Variants in SUSD4 observed in about 807,000 individuals in gnomAD.
The protein encoded by SUSD4 is sushi domain containing 4.
Under a neutral mutation model 50.5 loss-of-function variants are expected in SUSD4, and 41 were observed. The observed-to-expected ratio is 0.81, with a 90% CI of 0.63 to 1.05. SUSD4 has a LOEUF of 1.05. Ranked by LOEUF, SUSD4 falls within the 50% of genes least tolerant of loss-of-function variation. SUSD4 has a pLI of 0.00. For missense variants in SUSD4, 580 were observed against 634.7 expected, an observed-to-expected ratio of 0.91 and a Z score of 0.93; for synonymous variants, 257 against 257.3, an observed-to-expected ratio of 1.00 and a Z score of 0.01.
intron 4 of SUSD4, among the ~76,000 whole-genome samples, chr1:223,266,865 A>T (rs1662525293): frequency 6.6e-6 from 1 of 152,230 alleles, no homozygotes; most frequent in Non-Finnish European, 1.5e-5. Context: ...GTGCCAGGCA[A>T]GCAGCCAGTG....
intron 2 of SUSD4, among the ~76,000 whole-genome samples, chr1:223,317,474 T>C (rs1343907177): frequency 6.6e-6 from 1 of 152,196 alleles, no homozygotes; most frequent in Non-Finnish European, 1.5e-5. Context: ...CCCTGAATTC[T>C]TTCTTGCATG....
At chr1:223,328,031 C>T (rs899080855) in intron 2 of SUSD4, among the ~76,000 whole-genome samples, 2 of 151,874 alleles carry the variant, frequency 1.3e-5, no homozygotes, top group Non-Finnish European at 2.9e-5. Flanking sequence ...TTCTTCCATA[C>T]TCAAGAGTGG....
chr1:223,291,717 C>G (rs1402330189), intron 3 of SUSD4, among the ~76,000 whole-genome samples: 1 of 152,118 alleles, frequency 6.6e-6, no homozygotes, highest in Non-Finnish European at 1.5e-5. Flanking sequence ...TGATTCATGC[C>G]TATTCCAACT....
At chr1:223,301,239 A>G (rs1829310) in intron 2 of SUSD4, among the ~76,000 whole-genome samples, 44,816 of 152,120 alleles carry the variant, frequency 0.29, 7,685 homozygotes, top group Non-Finnish European at 0.4. Context: ...TCAATAGAAT[A>G]CAATCCTCAT....
intron 2 of SUSD4, among the ~76,000 whole-genome samples, chr1:223,344,767 A>G (rs1667939851): frequency 6.6e-6 from 1 of 152,136 alleles, no homozygotes. Flanking sequence ...CCTAAATCCA[A>G]GCAGGCCGCC....
chr1:223,225,319 C>T (rs543039155), intron 7 of SUSD4, among the ~76,000 whole-genome samples: 1 of 152,224 alleles, frequency 6.6e-6, no homozygotes, highest in South Asian at 2.1e-4. Flanking sequence ...GAAGATGAAA[C>T]GTCTGGGGGT....
intron 5 of SUSD4, among the ~76,000 whole-genome samples, chr1:223,232,335 C>T (rs1659951788): frequency 6.6e-6 from 1 of 152,190 alleles, no homozygotes; most frequent in Non-Finnish European, 1.5e-5. Context: ...TGTTAACTTA[C>T]TTGACTGTAA....
chr1:223,254,273 A>C (rs1383376132), intron 5 of SUSD4, among the ~76,000 whole-genome samples: 1 of 152,216 alleles, frequency 6.6e-6, no homozygotes, highest in Non-Finnish European at 1.5e-5. Context: ...CGGGAGAGGT[A>C]GTTCAAACCA....
chr1:223,359,188 G>C (rs1668830726), intron 2 of SUSD4: 1 of 469,562 alleles, frequency 2.1e-6, no homozygotes. Context: ...CCACCCTTCA[G>C]TGGGTTCCCC....
intron 5 of SUSD4, among the ~76,000 whole-genome samples, chr1:223,263,271 CAA>C (rs1662249452): frequency 6.6e-6 from 1 of 152,150 alleles, no homozygotes; most frequent in South Asian, 2.1e-4. Context: ...CCACTGGAAG[CAA>C]AAGAGATGAC....
intron 2 of SUSD4, among the ~76,000 whole-genome samples, chr1:223,295,680 G>A (rs1664774145): frequency 6.6e-6 from 1 of 151,784 alleles, no homozygotes; most frequent in African/African-American, 2.4e-5. Flanking sequence ...GGGCTGTGGG[G>A]ATAAAGGAAG....
chr1:223,221,276 G>A lies in SUSD4; in HGVS notation c.*916C>T, dbSNP rs1659124274. 2 of 395,636 alleles carry A rather than the reference G, an allele frequency of 5.1e-6. No homozygotes were observed. Among genetic ancestry groups the A allele is most frequent in the Non-Finnish European group, 4.5e-6 (1 of 224,704 alleles). 24.5% of individuals were successfully genotyped at this position (395,636 alleles called of 1,614,324 possible). On this transcript the variant is annotated 3_prime_UTR_variant, in exon 9 of 9. Coordinates refer to ENST00000366878, the MANE Select transcript of SUSD4 (RefSeq NM_017982.4). Reference sequence around the variant, plus strand: ...TGTATGGTTCAATTTGGGGCTGGGGGAACAATGACAATTGTCAACTAGAGA... The same window carrying A: ...TGTATGGTTCAATTTGGGGCTGGGGAAACAATGACAATTGTCAACTAGAGA...
At chr1:223,358,501 G>GT (rs1668791917) in intron 2 of SUSD4, among the ~76,000 whole-genome samples, 1 of 152,202 alleles carries the variant, frequency 6.6e-6, no homozygotes, top group African/African-American at 2.4e-5. Flanking sequence ...GGCAAGCCTC[G>GT]TTGGTCTTTT....
chr1:223,330,794 T>C (rs1314628231), intron 2 of SUSD4, among the ~76,000 whole-genome samples: 2 of 152,164 alleles, frequency 1.3e-5, no homozygotes, highest in African/African-American at 2.4e-5. Context: ...CTATTCACCA[T>C]AGCTGGTGGG....
intron 3 of SUSD4, among the ~76,000 whole-genome samples, chr1:223,286,632 C>A (rs1156853165): frequency 1.3e-5 from 2 of 152,192 alleles, no homozygotes; most frequent in Admixed American, 6.5e-5. Context: ...TGGGTTCCAC[C>A]ACACTCATGG....
intron 3 of SUSD4, among the ~76,000 whole-genome samples, chr1:223,291,832 A>C (rs1664510757): frequency 6.6e-6 from 1 of 152,232 alleles, no homozygotes; most frequent in South Asian, 2.1e-4. Context: ...ATAAAGTAAA[A>C]ACAAAAAAAA....
intron 2 of SUSD4, among the ~76,000 whole-genome samples, chr1:223,353,658 C>T (rs931379282): frequency 3.9e-5 from 6 of 152,142 alleles, no homozygotes; most frequent in African/African-American, 9.7e-5. Flanking sequence ...TCAGGGACAG[C>T]GCTGCCAAAA....
chr1:223,315,437 A>AT (rs1666125643), intron 2 of SUSD4, among the ~76,000 whole-genome samples: 1 of 152,176 alleles, frequency 6.6e-6, no homozygotes, highest in Admixed American at 6.5e-5. Flanking sequence ...AGGTTTTTGC[A>AT]TTTCTGACTA....
rs781579849 is a variant in SUSD4, at chr1:223,223,198, T to C, written c.1444+51A>G. 2.7e-6 allele frequency: 4 copies of C among 1,498,814 alleles called. No homozygotes were observed. The African/African-American group carries it at 4.2e-5, about 16-fold the overall frequency. The allele number at this position is 1,498,814 out of a possible 1,614,324, so 92.8% of individuals were successfully genotyped here. ...TAGCAAGGAGCTGGCTTGAAGATGCTGGTGCGGAGGTGTTTGCAGGTGTGG... is the reference window on the plus strand; with the variant it reads ...TAGCAAGGAGCTGGCTTGAAGATGCCGGTGCGGAGGTGTTTGCAGGTGTGG... On this transcript the variant is annotated intron_variant, in intron 8 of 8. Transcript: ENST00000366878.
Sources: allele counts gnomAD v4.1 joint callset (sites outside exome capture counted in the v4.1 genomes callset), GRCh38; gene constraint gnomAD v4.1.1; transcripts MANE v1.5; gene names NCBI Gene and HGNC (gene_info 2026-07-23, HGNC 2026-07-21).